Variants in TTC39A observed in about 807,000 individuals in gnomAD.
The protein encoded by TTC39A is tetratricopeptide repeat domain 39A, also known as tetratricopeptide repeat protein 39A.
Under a neutral mutation model 82.3 loss-of-function variants are expected in TTC39A, and 46 were observed. The observed-to-expected ratio is 0.56, with a 90% CI of 0.44 to 0.71. The LOEUF is 0.71. Among genes scored for constraint, TTC39A ranks in the 30% least tolerant of loss-of-function variants. The pLI is 0.00. For missense variants in TTC39A, 543 were observed against 712.9 expected (o/e 0.76, Z 2.71); for synonymous variants, 254 against 275.2 (o/e 0.92, Z 0.76).
chr1:51,320,423 T>C (rs1469861579), intron 2 of TTC39A, among the ~76,000 whole-genome samples: 56 of 143,432 alleles, frequency 3.9e-4, no homozygotes, highest in Admixed American at 4.1e-4. Context: ...TTTCTTTTTT[T>C]TTTTTTTTTT....
chr1:51,333,753 T>C (rs1348836987), upstream of TTC39A, among the ~76,000 whole-genome samples: 2 of 152,198 alleles, frequency 1.3e-5, no homozygotes, highest in Non-Finnish European at 2.9e-5. Context: ...GTGAGGTTTG[T>C]ATGTGACTGT....
intron 4 of TTC39A, 42 bp from the exon 5 acceptor site, chr1:51,311,363 T>C: frequency 6.5e-7 from 1 of 1,528,892 alleles, no homozygotes; most frequent in South Asian, 1.2e-5. Flanking sequence ...CCTGGGACTC[T>C]AGTCAGGAGG....
At position 51,330,026 on chromosome 1, in the gene TTC39A, C is replaced by A. The variant is rs981302817; in HGVS notation, c.41+411G>T. The A allele has an allele frequency of 1.7e-4, 95 of 574,182 alleles. No homozygotes were observed. Among genetic ancestry groups the A allele is most frequent in the Non-Finnish European group, 2.0e-4 (91 of 454,532 alleles). 35.6% of individuals were successfully genotyped at this position (574,182 alleles called of 1,614,324 possible). A position where few individuals can be genotyped will look rare whatever the true frequency, so the allele number is the denominator to read the frequency against. Reference sequence around the variant, plus strand: ...AGACAGAACTGAGTTCAAATCCCACCCGCAACTCTTACCTCCTGGGTGACC... The same window carrying A: ...AGACAGAACTGAGTTCAAATCCCACACGCAACTCTTACCTCCTGGGTGACC... On this transcript the variant is annotated intron_variant, in intron 1 of 17. Coordinates refer to ENST00000680483, the MANE Select transcript of TTC39A (RefSeq NM_001297663.2). This position sits in a 1 kb window ranked among gnomAD's most constrained non-coding sequence, Gnocchi z 4.5.
intron 4 of TTC39A, 119 bp from the exon 5 acceptor site, chr1:51,311,440 G>C: frequency 1.2e-6 from 1 of 836,344 alleles, no homozygotes; most frequent in South Asian, 1.7e-5. Context: ...CACCTCTCCT[G>C]TCCCCTACCT....
chr1:51,311,743 G>C (rs752711016), intron 4 of TTC39A, among the ~76,000 whole-genome samples: 7 of 152,176 alleles, frequency 4.6e-5, no homozygotes, highest in Non-Finnish European at 8.8e-5. Context: ...CCATTGACTC[G>C]GCTGCTGAAA....
rs1489523574 is a variant in TTC39A at position 51,330,505 on chromosome 1, C to G, written c.-28G>C. The G allele has an allele frequency of 2.2e-5, 22 of 983,680 alleles. No individual in the cohort carries two copies. The highest frequency in any genetic ancestry group is 2.5e-5 in the Non-Finnish European group (21 of 830,228). The allele number at this position is 983,680 out of a possible 1,614,324, so 60.9% of individuals were successfully genotyped here. ...CCGAGGGGCGCGGGCGGCGCTGCCC[C>G]AGCCGGACGCCAATCGCGGCCCAGG... On this transcript the variant is annotated 5_prime_UTR_variant, in exon 1 of 18. Transcript: ENST00000680483. The surrounding 1 kb of genome is among the most constrained non-coding windows in gnomAD (Gnocchi z 4.5).
chr1:51,344,997 T>C (rs1314670887), exon 1 of TTC39A: 1 of 1,524,102 alleles, frequency 6.6e-7, no homozygotes, highest in Non-Finnish European at 8.8e-7. Context: ...GTACCTGCGG[T>C]CGCTTTTCCC....
chr1:51,312,322 A>C (rs1289754109), intron 3 of TTC39A, 127 bp from the exon 4 acceptor site: 2 of 952,990 alleles, frequency 2.1e-6, no homozygotes, highest in Non-Finnish European at 3.1e-6. Flanking sequence ...ACAGGCTTAG[A>C]GGTCAAACAG....
intron 12 of TTC39A, chr1:51,296,769 A>C (rs1644446469): frequency 6.3e-6 from 1 of 159,878 alleles, no homozygotes; most frequent in Non-Finnish European, 1.4e-5. Flanking sequence ...AGCCAATGCC[A>C]GAAAGGAGTC....
rs551279889 is a variant in TTC39A at position 51,311,199 on chromosome 1, C to G, written c.423+55G>C. On this transcript the variant is annotated intron_variant, in intron 5 of 17. Transcript: ENST00000680483. ...CTCTAGGGGATGGGTCATGGTTGGA[C>G]GTGGAAACTGATCTTCTGAAATCCC... 56 of 1,512,038 alleles carry G rather than the reference C, an allele frequency of 3.7e-5. No homozygotes were observed. The South Asian group carries it at 6.8e-4, about 18-fold the overall frequency. 93.7% of individuals were successfully genotyped at this position (1,512,038 alleles called of 1,614,324 possible). A position where few individuals can be genotyped will look rare whatever the true frequency, so the allele number is the denominator to read the frequency against.
intron 2 of TTC39A, among the ~76,000 whole-genome samples, chr1:51,313,469 G>A (rs1047756606): frequency 1.3e-5 from 2 of 152,132 alleles, no homozygotes; most frequent in African/African-American, 4.8e-5. Flanking sequence ...GGTGCCCAGT[G>A]GTTACACCTT....
intron 1 of TTC39A, among the ~76,000 whole-genome samples, chr1:51,326,175 A>G (rs1056601098): frequency 6.6e-6 from 1 of 152,156 alleles, no homozygotes; most frequent in Admixed American, 6.5e-5. Flanking sequence ...CAGGGCTGTG[A>G]TCATGGGAAT....
At position 51,308,904 on chromosome 1, in the gene TTC39A, C is replaced by A. The variant is rs566778800; in HGVS notation, c.488+357G>T. The stretch of plus-strand genomic sequence containing the variant: ...TGGGGAAAGTGGCATTTGGACTGGG[C>A]CTTAACAGATGTGTAGGAGTTCTGC... On this transcript the variant is annotated intron_variant, in intron 6 of 17. Transcript: ENST00000680483. Among the ~76,000 whole-genome samples, 4 of 152,232 alleles carry A rather than the reference C, an allele frequency of 2.6e-5. No individual in the cohort carries two copies. In the South Asian group the frequency reaches 8.3e-4, roughly 32 times the overall value.
chr1:51,306,120 G>A (rs113892720), intron 6 of TTC39A, 44 bp from the exon 7 acceptor site: 92 of 1,537,884 alleles, frequency 6.0e-5, no homozygotes, highest in Admixed American at 1.5e-4. Flanking sequence ...TGCTGGGGGT[G>A]GGGGGTAGGG....
chr1:51,314,860 A>G (rs191731186), intron 2 of TTC39A, among the ~76,000 whole-genome samples: 303 of 152,248 alleles, frequency 2.0e-3, no homozygotes, highest in African/African-American at 6.5e-3. Flanking sequence ...CTTCTCCCCA[A>G]TGGGTTTTTG....
intron 1 of TTC39A, among the ~76,000 whole-genome samples, chr1:51,324,157 T>G (rs1254408912): frequency 6.6e-6 from 1 of 152,184 alleles, no homozygotes; most frequent in Non-Finnish European, 1.5e-5. Flanking sequence ...ATTTATCATT[T>G]TTTAGGGAGT....
At chr1:51,345,050 G>T in exon 1 of TTC39A, 1 of 1,460,048 alleles carries the variant, frequency 6.8e-7, no homozygotes, top group African/African-American at 1.5e-5. Context: ...CCATGGGCGC[G>T]GGCCGGGCTC....
chr1:51,316,501 G>A (rs920013144), intron 2 of TTC39A, among the ~76,000 whole-genome samples: 5 of 152,130 alleles, frequency 3.3e-5, no homozygotes, highest in African/African-American at 1.2e-4. Flanking sequence ...AACCTAGCTA[G>A]GAGCCCAGCT....
intron 14 of TTC39A, among the ~76,000 whole-genome samples, chr1:51,290,867 C>T (rs1298399898): frequency 1.3e-5 from 2 of 152,156 alleles, no homozygotes; most frequent in African/African-American, 2.4e-5. Flanking sequence ...GACCAATGTC[C>T]GTAATGTGCT....
Sources: allele counts gnomAD v4.1 joint callset (sites outside exome capture counted in the v4.1 genomes callset), GRCh38; gene constraint gnomAD v4.1.1; non-coding constraint Gnocchi (gnomAD v3.1); transcripts MANE v1.5; gene names NCBI Gene and HGNC (gene_info 2026-07-23, HGNC 2026-07-21).